BEND6: variants seen among roughly 807,000 people sequenced by gnomAD.
BEND6 encodes the protein BEN domain containing 6.
A neutral mutation model predicts 31.8 loss-of-function variants in BEND6; 24 were observed. That is an observed-to-expected ratio of 0.75 (90% CI 0.55 to 1.06). BEND6 has a LOEUF of 1.06. Among genes scored for constraint, BEND6 ranks in the 50% least tolerant of loss-of-function variants. The probability of loss-of-function intolerance (pLI) is 0.00; values close to 1 mark genes in which losing one functional copy is unlikely to be tolerated. For missense variants in BEND6, 294 were observed against 327.4 expected, an observed-to-expected ratio of 0.90 and a Z score of 0.79; for synonymous variants, 109 against 114.6, an observed-to-expected ratio of 0.95 and a Z score of 0.31.
chr6:57,012,586 T>C (rs1159763788), intron 3 of BEND6, among the ~76,000 whole-genome samples: 1 of 152,194 alleles, frequency 6.6e-6, no homozygotes, highest in Non-Finnish European at 1.5e-5. Flanking sequence ...TGTATGTAAA[T>C]TAGGCCTTAC....
At chr6:56,956,884 G>T (rs781287444) in intron 1 of BEND6, among the ~76,000 whole-genome samples, 2 of 152,210 alleles carry the variant, frequency 1.3e-5, no homozygotes, top group African/African-American at 2.4e-5. Flanking sequence ...ATTCTCCACC[G>T]CATTGACTCA....
intron 1 of BEND6, among the ~76,000 whole-genome samples, chr6:56,972,748 A>G (rs935806334): frequency 2.6e-5 from 4 of 152,220 alleles, no homozygotes; most frequent in African/African-American, 9.6e-5. Flanking sequence ...TCAGGCCGCC[A>G]TAACAAATAC....
intron 3 of BEND6, chr6:57,008,109 AG>A: frequency 1.4e-6 from 1 of 690,678 alleles, no homozygotes; most frequent in Non-Finnish European, 2.6e-6. Flanking sequence ...TCTGATTAAA[AG>A]GGCCCCAGTA....
intron 3 of BEND6, among the ~76,000 whole-genome samples, chr6:56,994,667 T>C (rs1826638490): frequency 6.6e-6 from 1 of 152,072 alleles, no homozygotes; most frequent in Non-Finnish European, 1.5e-5. Flanking sequence ...AGAAATGCTT[T>C]ACCTAGTACC....
At chr6:57,022,182 T>G (rs1344650292) in intron 6 of BEND6, among the ~76,000 whole-genome samples, 3 of 143,976 alleles carry the variant, frequency 2.1e-5, no homozygotes, top group Admixed American at 6.9e-5. Flanking sequence ...TTTTTTTTTT[T>G]GAAGAATTAG....
intron 1 of BEND6, among the ~76,000 whole-genome samples, chr6:56,966,251 G>A (rs1825475033): frequency 6.6e-6 from 1 of 152,092 alleles, no homozygotes; most frequent in South Asian, 2.1e-4. Flanking sequence ...ACAGGCACTT[G>A]CCACCACGCC....
chr6:57,017,446 T>G (rs761624833), intron 5 of BEND6, 47 bp downstream of exon 5: 1 of 1,260,188 alleles, frequency 7.9e-7, no homozygotes, highest in South Asian at 3.2e-5. Context: ...TTAAATCATG[T>G]TACCACTCAA....
At chr6:56,990,825 T>C (rs1826469338) in intron 2 of BEND6, among the ~76,000 whole-genome samples, 1 of 152,156 alleles carries the variant, frequency 6.6e-6, no homozygotes, top group East Asian at 1.9e-4. Context: ...AAATTAAGGA[T>C]CCTACAGGAG....
chr6:56,974,203 G>GT (rs1158671555), intron 1 of BEND6, among the ~76,000 whole-genome samples: 6 of 152,174 alleles, frequency 3.9e-5, no homozygotes, highest in African/African-American at 1.4e-4. Flanking sequence ...GTGCGGTAAT[G>GT]TAAGTCAATG....
intron 3 of BEND6, chr6:57,004,560 G>A (rs530374670): frequency 4.9e-5 from 43 of 874,724 alleles, no homozygotes; most frequent in African/African-American, 9.9e-5. Context: ...TCACAGGTGC[G>A]CCAGAACTAC....
intron 3 of BEND6, among the ~76,000 whole-genome samples, chr6:56,993,351 A>T (rs1046564752): frequency 1.3e-5 from 2 of 152,232 alleles, no homozygotes; most frequent in Non-Finnish European, 2.9e-5. Flanking sequence ...TTTTGAAAAT[A>T]AGTCCTTCCA....
intron 1 of BEND6, among the ~76,000 whole-genome samples, chr6:56,959,997 G>A (rs1825232507): frequency 6.6e-6 from 1 of 152,096 alleles, no homozygotes. Context: ...GCTGAGTTTG[G>A]GAGCTTAAAA....
intron 6 of BEND6, among the ~76,000 whole-genome samples, chr6:57,025,755 A>G (rs537840478): frequency 6.6e-6 from 1 of 152,230 alleles, no homozygotes; most frequent in African/African-American, 2.4e-5. Flanking sequence ...TGGATAAGGA[A>G]GCCTGAATCT....
chr6:57,017,112 G>A, intron 4 of BEND6, 95 bp from the exon 5 acceptor site: 2 of 639,172 alleles, frequency 3.1e-6, no homozygotes, highest in Non-Finnish European at 4.6e-6. Context: ...AAAAAATGTT[G>A]ACATTGTTTT....
intron 1 of BEND6, among the ~76,000 whole-genome samples, chr6:56,977,223 G>A (rs1381377612): frequency 6.6e-6 from 1 of 152,198 alleles, no homozygotes; most frequent in African/African-American, 2.4e-5. Flanking sequence ...GACATTGAGA[G>A]TGGCACAATA....
chr6:56,985,584 G>A (rs1439173328), intron 2 of BEND6, among the ~76,000 whole-genome samples: 1 of 152,166 alleles, frequency 6.6e-6, no homozygotes, highest in Non-Finnish European at 1.5e-5. Context: ...AAATACTCCT[G>A]CTCATATCCT....
Position 57,014,926 on chromosome 6 carries a change from T to C in BEND6, c.299-207T>C, listed in dbSNP as rs546895976. ...GCAATGACCAAATGTTTTTAATTGC[T>C]TTATTATTATTAAGCAATTACTAAA... On this transcript the variant is annotated intron_variant, in intron 3 of 6. Coordinates refer to ENST00000370746, the MANE Select transcript of BEND6 (RefSeq NM_152731.3). Among the ~76,000 whole-genome samples the C allele has an allele frequency of 2.3e-4, 35 of 152,364 alleles. No homozygotes were observed. The East Asian group carries it at 6.0e-3, about 26-fold the overall frequency.
chr6:56,996,274 C>G (rs945171917), intron 3 of BEND6, among the ~76,000 whole-genome samples: 1 of 152,014 alleles, frequency 6.6e-6, no homozygotes, highest in African/African-American at 2.4e-5. Flanking sequence ...TGACAAAACT[C>G]CATCTCTACT....
chr6:57,022,032 TC>T (rs1827759875), intron 6 of BEND6, among the ~76,000 whole-genome samples: 1 of 152,218 alleles, frequency 6.6e-6, no homozygotes, highest in South Asian at 2.1e-4. Flanking sequence ...TGTATCTGGC[TC>T]ATCAGTGATG....
Sources: gnomAD v4.1 joint callset for allele counts (sites outside exome capture counted in the v4.1 genomes callset) on GRCh38, gnomAD v4.1.1 for gene constraint, MANE v1.5 for transcripts, NCBI Gene and HGNC (gene_info 2026-07-23, HGNC 2026-07-21) for gene names.